Variants in EXTL3 observed in about 807,000 individuals in gnomAD.
The protein encoded by EXTL3 is exostosin-like 3.
Under a neutral mutation model 69.3 loss-of-function variants are expected in EXTL3, and 27 were observed. The observed-to-expected ratio is 0.39, with a 90% CI of 0.29 to 0.54. The LOEUF is 0.54. Ranked by LOEUF, EXTL3 falls within the 20% of genes least tolerant of loss-of-function variation. EXTL3 has a pLI of 0.69. For synonymous variants in EXTL3, 511 were observed against 499.4 expected (o/e 1.02, Z -0.31); for missense variants, 1,003 against 1,231.8 (o/e 0.81, Z 2.78).
chr8:28,694,644 T>C (rs1445359305), intron 1 of EXTL3, among the ~76,000 whole-genome samples: 6 of 149,244 alleles, frequency 4.0e-5, no homozygotes, highest in Non-Finnish European at 3.0e-5. Context: ...GGACTAATAA[T>C]GGTCCTTATT....
In EXTL3 at chr8:28,717,338, C is replaced by G. The variant is rs1801179636; in HGVS notation, c.1279C>G (p.Leu427Val). 3 of 1,614,098 alleles carry G rather than the reference C, an allele frequency of 1.9e-6. No homozygotes were observed. Among genetic ancestry groups the G allele is most frequent in the Admixed American group, 1.7e-5 (1 of 60,010 alleles). Residue 427 changes from leucine to valine, a missense_variant, in exon 3 of 7, where the codon CTC becomes GTC. By Grantham distance (32) the Leu-to-Val change is conservative. Coordinates refer to ENST00000220562, the MANE Select transcript of EXTL3 (RefSeq NM_001440.4). This position sits in a 1 kb window ranked among gnomAD's most constrained non-coding sequence, Gnocchi z 8.3. ...GGAGGACCGCTTGGAATTGCTGAAGCTCTCCACCTTCGCCCTCATCATTAC... is the reference window on the plus strand; with the variant it reads ...GGAGGACCGCTTGGAATTGCTGAAGGTCTCCACCTTCGCCCTCATCATTAC... ...EREDRLELLK[L>V]STFALIITPG...
intron 1 of EXTL3, among the ~76,000 whole-genome samples, chr8:28,683,742 G>A (rs890333043): frequency 1.3e-5 from 2 of 151,926 alleles, no homozygotes; most frequent in Non-Finnish European, 2.9e-5. Flanking sequence ...CCCAGGAGGC[G>A]GAGCTTGCAG....
At chr8:28,739,044 G>A (rs1247031954) in intron 5 of EXTL3, among the ~76,000 whole-genome samples, 1 of 152,184 alleles carries the variant, frequency 6.6e-6, no homozygotes, top group Admixed American at 6.5e-5. Context: ...TAGGCGTTCT[G>A]TCTCACACAC....
At chr8:28,689,928 G>T (rs1308946245) in intron 1 of EXTL3, among the ~76,000 whole-genome samples, 1 of 152,170 alleles carries the variant, frequency 6.6e-6, no homozygotes, top group African/African-American at 2.4e-5. Context: ...AAAAGTCAGA[G>T]TATGTAAACT....
chr8:28,620,027 T>A (rs190778456), upstream of EXTL3, among the ~76,000 whole-genome samples: 57 of 151,824 alleles, frequency 3.8e-4, no homozygotes, highest in East Asian at 9.7e-3. Context: ...CCTGCCACCA[T>A]GCCCGGCTAA....
intron 1 of EXTL3, among the ~76,000 whole-genome samples, chr8:28,691,988 G>T (rs1800623023): frequency 6.6e-6 from 1 of 152,136 alleles, no homozygotes; most frequent in Non-Finnish European, 1.5e-5. Flanking sequence ...GTACACGAAA[G>T]TAAGACAAGG....
chr8:28,687,430 C>T (rs1030912274), intron 1 of EXTL3, among the ~76,000 whole-genome samples: 8 of 152,158 alleles, frequency 5.3e-5, no homozygotes, highest in Non-Finnish European at 8.8e-5. Context: ...CACACCACTG[C>T]ACTCCAGCCT....
At chr8:28,628,606 G>A (rs183982443) in intron 1 of EXTL3, among the ~76,000 whole-genome samples, 4 of 152,288 alleles carry the variant, frequency 2.6e-5, no homozygotes, top group Admixed American at 2.0e-4. Flanking sequence ...CCTATGGTAT[G>A]TCACGTTATG....
chr8:28,672,697 T>C (rs913992301), intron 1 of EXTL3, among the ~76,000 whole-genome samples: 2 of 152,214 alleles, frequency 1.3e-5, no homozygotes, highest in Non-Finnish European at 2.9e-5. Context: ...CTCTGATGCA[T>C]GCCCATGTTT....
At chr8:28,613,104 C>T (rs1234101371) in intron 2 of EXTL3, among the ~76,000 whole-genome samples, 1 of 152,048 alleles carries the variant, frequency 6.6e-6, no homozygotes, top group African/African-American at 2.4e-5. Context: ...AGATATTGGT[C>T]TATAGTTTTC....
At chr8:28,679,096 G>T (rs775042069) in intron 1 of EXTL3, among the ~76,000 whole-genome samples, 14 of 152,208 alleles carry the variant, frequency 9.2e-5, no homozygotes, top group Non-Finnish European at 1.8e-4. Context: ...ATTAATGCCA[G>T]CACTGTTCTA....
At chr8:28,685,785 CCTTT>C (rs997461771) in intron 1 of EXTL3, 1 of 151,512 alleles carries the variant, frequency 6.6e-6, no homozygotes, top group Non-Finnish European at 1.5e-5. Flanking sequence ...TCTCTCTCTT[CCTTT>C]GTGTGTGTGT....
chr8:28,637,376 A>G (rs1168944630), intron 1 of EXTL3: 1 of 152,300 alleles, frequency 6.6e-6, no homozygotes, highest in South Asian at 2.1e-4. Context: ...CCGCTACTTT[A>G]TGGAGACAGG....
Position 28,751,293 on chromosome 8 carries a change from A to C in EXTL3, c.*427A>C. 5.5e-6 allele frequency: 1 copy of C among 182,550 alleles called. No homozygotes were observed. The highest frequency in any genetic ancestry group is 1.2e-5 in the Non-Finnish European group (1 of 85,324). 11.3% of individuals were successfully genotyped at this position (182,550 alleles called of 1,614,324 possible). ...TAAATACATGCACACACTTGCATAC[A>C]TATATATTTTTGGCTGGGGGAGTGT... On this transcript the variant is annotated 3_prime_UTR_variant, in exon 7 of 7. Coordinates refer to ENST00000220562, the MANE Select transcript of EXTL3 (RefSeq NM_001440.4).
upstream of EXTL3, chr8:28,697,487 C>G (rs184138683): frequency 6.6e-6 from 1 of 152,180 alleles, no homozygotes; most frequent in East Asian, 1.9e-4. Context: ...TGCTGGGTAC[C>G]AAAGGTTCAA....
chr8:28,676,335 C>T (rs1251076472), intron 1 of EXTL3, among the ~76,000 whole-genome samples: 1 of 152,112 alleles, frequency 6.6e-6, no homozygotes, highest in Admixed American at 6.6e-5. Flanking sequence ...ATAGGCCAGA[C>T]CTTGTGGTGT....
chr8:28,743,699 AGCATGTATGTCAC>A (rs1042832969), intron 6 of EXTL3, among the ~76,000 whole-genome samples: 7 of 152,190 alleles, frequency 4.6e-5, no homozygotes, highest in African/African-American at 1.7e-4. Context: ...TTAAGAAAAG[AGCATGTATGTCAC>A]TGTGTTTTAC....
At chr8:28,693,701 C>T (rs550183636) in intron 1 of EXTL3, among the ~76,000 whole-genome samples, 2 of 152,344 alleles carry the variant, frequency 1.3e-5, no homozygotes, top group African/African-American at 4.8e-5. Context: ...TAAAAGGTAA[C>T]ATCAAAGCCA....
At chr8:28,709,787 A>G (rs934319785) in intron 1 of EXTL3, among the ~76,000 whole-genome samples, 4 of 152,150 alleles carry the variant, frequency 2.6e-5, no homozygotes, top group South Asian at 2.1e-4. Flanking sequence ...GCAGTTTGCT[A>G]TTGTGATAAG....
Sources: allele counts gnomAD v4.1 joint callset (sites outside exome capture counted in the v4.1 genomes callset), GRCh38; gene constraint gnomAD v4.1.1; non-coding constraint Gnocchi (gnomAD v3.1); transcripts MANE v1.5; gene names NCBI Gene and HGNC (gene_info 2026-07-23, HGNC 2026-07-21).